Variants in PECR observed in about 807,000 individuals in gnomAD.
PECR encodes the protein 2,4-dienoyl-CoA reductase-related protein.
A neutral mutation model predicts 35.3 loss-of-function variants in PECR; 30 were observed. The ratio of observed to expected loss-of-function variants is 0.85; its 90% CI spans 0.64 to 1.15. The LOEUF (loss-of-function observed/expected upper bound fraction) is 1.15. PECR is among the 50% of genes most tolerant of loss of function. The probability of loss-of-function intolerance (pLI) is 0.00; values close to 1 mark genes in which losing one functional copy is unlikely to be tolerated. For synonymous variants in PECR, 148 were observed against 138.9 expected, an observed-to-expected ratio of 1.07 and a Z score of -0.46; for missense variants, 392 against 370.8, an observed-to-expected ratio of 1.06 and a Z score of -0.47.
chr2:216,060,464 C>T (rs2105957890), intron 3 of PECR, among the ~76,000 whole-genome samples: 1 of 152,190 alleles, frequency 6.6e-6, no homozygotes, highest in East Asian at 1.9e-4. Flanking sequence ...GAGTTCAAGA[C>T]CAGCCTGGGC....
In PECR at chr2:216,047,118, T is replaced by C. The variant is rs144607827; in HGVS notation, c.714+2145A>G. ...CCCTGTCTCTACAAAACTAGCCAGG[T>C]GTGGTGGCGCATGCCTGTAATCCCA... On this transcript the variant is annotated intron_variant, in intron 6 of 7. Coordinates refer to ENST00000265322, the MANE Select transcript of PECR (RefSeq NM_018441.6). 5.7e-3 allele frequency among the ~76,000 whole-genome samples: 872 copies of C among 151,988 alleles called. 12 individuals are homozygous for C. The highest frequency in any genetic ancestry group is 0.02 in the African/African-American group (827 of 41,480).
At chr2:216,030,940 TCTCTCTCTCTCTCTCTCACA>T (rs766427158) in intron 7 of PECR, among the ~76,000 whole-genome samples, 6,737 of 72,296 alleles carry the variant, frequency 0.093, 154 homozygotes, top group Non-Finnish European at 0.11. Flanking sequence ...TCTCTCTCTC[TCTCTCTCTCTCTCTCTCACA>T]CACACACACA....
At chr2:216,035,081 C>A (rs145640803), downstream of PECR, among the ~76,000 whole-genome samples, 76 of 152,350 alleles carry the variant, frequency 5.0e-4, no homozygotes, top group Middle Eastern at 6.8e-3. Flanking sequence ...GGCCAGTCGA[C>A]AAGTGGCAGG....
intron 7 of PECR, among the ~76,000 whole-genome samples, chr2:216,032,500 G>A (rs1484675213): frequency 1.3e-5 from 2 of 152,200 alleles, no homozygotes; most frequent in Non-Finnish European, 2.9e-5. Context: ...TGCTAACCCA[G>A]CATGGGAGGC....
chr2:216,074,432 G>C (rs1695645292), intron 1 of PECR, among the ~76,000 whole-genome samples: 1 of 144,356 alleles, frequency 6.9e-6, no homozygotes, highest in African/African-American at 2.6e-5. Flanking sequence ...ACTGTGTCAA[G>C]AAAGAAAGAA....
chr2:216,067,336 T>C (rs1341748138), intron 1 of PECR, among the ~76,000 whole-genome samples: 1 of 152,102 alleles, frequency 6.6e-6, no homozygotes, highest in African/African-American at 2.4e-5. Context: ...GATCAAACCC[T>C]GGCACTCACA....
At chr2:216,058,393 T>C (rs1267311167) in intron 4 of PECR, among the ~76,000 whole-genome samples, 1 of 152,138 alleles carries the variant, frequency 6.6e-6, no homozygotes, top group African/African-American at 2.4e-5. Context: ...GCTGTCTGTG[T>C]ACAGAGTGGC....
chr2:216,072,228 C>A (rs942778548), intron 1 of PECR, among the ~76,000 whole-genome samples: 9 of 152,032 alleles, frequency 5.9e-5, no homozygotes, highest in Admixed American at 5.9e-4. Context: ...AGGTAGGGAC[C>A]CTGTAATTGC....
At chr2:216,039,688 G>A (rs765899408) in intron 7 of PECR, among the ~76,000 whole-genome samples, 2 of 152,172 alleles carry the variant, frequency 1.3e-5, no homozygotes, top group African/African-American at 2.4e-5. Flanking sequence ...TCAATAAATA[G>A]TGTCTCCTTA....
chr2:216,052,058 T>C (rs6732501), intron 4 of PECR, among the ~76,000 whole-genome samples: 114,931 of 152,090 alleles, frequency 0.76, 43,633 homozygotes, highest in African/African-American at 0.81. Context: ...TGGTGGCAGG[T>C]ATCTGTAATC....
rs754877007 is a variant in PECR at position 216,065,488 on chromosome 2, A to G, written c.259-11T>C. The G allele has an allele frequency of 1.3e-6, 2 of 1,551,760 alleles. No individual in the cohort carries two copies. Among genetic ancestry groups the G allele is most frequent in the Non-Finnish European group, 8.9e-7 (1 of 1,123,328 alleles). On this transcript the variant is annotated splice_polypyrimidine_tract_variant and intron_variant, in intron 2 of 7. Transcript: ENST00000265322. ...GACCAAATTATTCACCTAAAGAAGA[A>G]CAGTAGAAGTTACTAAAAGGAAAAG...
rs192544843 is a variant in PECR, at chr2:216,058,510, G to A, written c.506+385C>T. On this transcript the variant is annotated intron_variant, in intron 4 of 7. Transcript: ENST00000265322. Reference sequence around the variant, plus strand: ...TGTAAAATCAAGTAGCTATATTAATGGTATTCAAATCTAAATTAACACAGA... The same window carrying A: ...TGTAAAATCAAGTAGCTATATTAATAGTATTCAAATCTAAATTAACACAGA... 6.4e-4 allele frequency among the ~76,000 whole-genome samples: 98 copies of A among 152,130 alleles called. 1 individual carries two copies. Among genetic ancestry groups the A allele is most frequent in the African/African-American group, 2.2e-3 (92 of 41,452 alleles).
intron 5 of PECR, among the ~76,000 whole-genome samples, chr2:216,050,177 G>A (rs547779199): frequency 1.1e-4 from 16 of 152,190 alleles, no homozygotes; most frequent in South Asian, 4.2e-4. Flanking sequence ...AGCCGTGATC[G>A]CACTACCGCA....
chr2:216,073,103 C>T (rs1390169094), intron 1 of PECR, among the ~76,000 whole-genome samples: 2 of 152,162 alleles, frequency 1.3e-5, no homozygotes, highest in Non-Finnish European at 2.9e-5. Context: ...ACCATAAGTT[C>T]CTTGTAAGCC....
At chr2:216,061,998 A>C (rs1266278076) in intron 3 of PECR, among the ~76,000 whole-genome samples, 1 of 151,364 alleles carries the variant, frequency 6.6e-6, no homozygotes, top group Non-Finnish European at 1.5e-5. Context: ...GATTGTAGAG[A>C]GGGAGAGAGA....
At position 216,043,038 on chromosome 2, in the gene PECR, T is replaced by TATATATATATACACATAC. The variant is rs1491038615; in HGVS notation, c.826+865_826+866insGTATGTGTATATATATAT. On this transcript the variant is annotated intron_variant, in intron 7 of 7. Coordinates refer to ENST00000265322, the MANE Select transcript of PECR (RefSeq NM_018441.6). Reference sequence around the variant, plus strand: ...ATATACACATACGTATATATGTATGTGTATATATATATACACATACGTATA... The same window carrying TATATATATATACACATAC: ...ATATACACATACGTATATATGTATGTATATATATATACACATACGTATATATATATACACATACGTATA... Among the ~76,000 whole-genome samples the TATATATATATACACATAC allele has an allele frequency of 2.9e-3, 41 of 13,918 alleles. 1 individual carries two copies. Among genetic ancestry groups the TATATATATATACACATAC allele is most frequent in the South Asian group, 0.02 (12 of 602 alleles). The allele number at this position is 13,918 out of a possible 152,430, so 9.1% of individuals were successfully genotyped here.
At chr2:216,073,402 A>G (rs941498449) in intron 1 of PECR, among the ~76,000 whole-genome samples, 1 of 152,080 alleles carries the variant, frequency 6.6e-6, no homozygotes, top group African/African-American at 2.4e-5. Flanking sequence ...CAATTACTTT[A>G]TTTTTTTATA....
intron 1 of PECR, among the ~76,000 whole-genome samples, chr2:216,079,583 A>G (rs977093761): frequency 4.5e-4 from 69 of 151,718 alleles, no homozygotes; most frequent in African/African-American, 1.7e-3. Context: ...TTCCCAGGCT[A>G]GTCTCGAACT....
rs1262754216 is a variant in PECR, at chr2:216,042,953, ATATATATATACACATACGTATATGTG to A, written c.826+925_826+950del. 8.6e-3 allele frequency among the ~76,000 whole-genome samples: 1,094 copies of A among 127,546 alleles called. 46 individuals are homozygous for A. The highest frequency in any genetic ancestry group is 0.01 in the Non-Finnish European group (631 of 61,568). The allele number at this position is 127,546 out of a possible 152,430, so 83.7% of individuals were successfully genotyped here. Reference sequence around the variant, plus strand: ...TATATATATACATACGTATATGTGTATATATATATACACATACGTATATGTGTATATATATATACATACGTATATGT... The same window carrying A: ...TATATATATACATACGTATATGTGTATATATATATATACATACGTATATGT... On this transcript the variant is annotated intron_variant, in intron 7 of 7. Coordinates refer to ENST00000265322, the MANE Select transcript of PECR (RefSeq NM_018441.6).
Sources: gnomAD v4.1 joint callset for allele counts (sites outside exome capture counted in the v4.1 genomes callset) on GRCh38, gnomAD v4.1.1 for gene constraint, MANE v1.5 for transcripts, NCBI Gene and HGNC (gene_info 2026-07-23, HGNC 2026-07-21) for gene names.